Variants in XRCC4 observed in about 807,000 individuals in gnomAD.
XRCC4 encodes DNA repair protein XRCC4.
A neutral mutation model predicts 39.1 loss-of-function variants in XRCC4; 28 were observed. The ratio of observed to expected loss-of-function variants is 0.72; its 90% CI spans 0.53 to 0.98. The LOEUF is 0.98. Among genes scored for constraint, XRCC4 ranks in the 50% least tolerant of loss-of-function variants. The pLI is 0.00. For synonymous variants in XRCC4, 123 were observed against 126.4 expected (o/e 0.97, Z 0.18); for missense variants, 350 against 376.4 (o/e 0.93, Z 0.58).
At chr5:83,346,053 G>A (rs544358019) in intron 7 of XRCC4, among the ~76,000 whole-genome samples, 51 of 152,196 alleles carry the variant, frequency 3.4e-4, no homozygotes, top group Non-Finnish European at 6.5e-4. Context: ...TATACACCAC[G>A]TTTTAGTGAG....
At chr5:83,323,527 A>G (rs1389671104) in intron 7 of XRCC4, among the ~76,000 whole-genome samples, 6 of 152,088 alleles carry the variant, frequency 3.9e-5, no homozygotes, top group East Asian at 3.9e-4. Context: ...ATAATTACCA[A>G]TTCCTCAAAT....
intron 7 of XRCC4, among the ~76,000 whole-genome samples, chr5:83,288,333 C>T (rs983476331): frequency 1.2e-4 from 18 of 151,804 alleles, no homozygotes; most frequent in Non-Finnish European, 1.9e-4. Flanking sequence ...TTTTTGCCTA[C>T]GTGACCATAT....
At chr5:83,257,630 G>T (rs1561436876) in intron 6 of XRCC4, among the ~76,000 whole-genome samples, 1 of 152,162 alleles carries the variant, frequency 6.6e-6, no homozygotes. Context: ...ACAGTGTGGT[G>T]ATTCCTCAAG....
chr5:83,202,622 T>A (rs1305013484), intron 4 of XRCC4, among the ~76,000 whole-genome samples: 2 of 152,018 alleles, frequency 1.3e-5, no homozygotes, highest in Admixed American at 1.3e-4. Flanking sequence ...GGTATATATG[T>A]GTGTGTGTGT....
At chr5:83,158,051 T>G (rs1055992717) in intron 3 of XRCC4, among the ~76,000 whole-genome samples, 2 of 152,124 alleles carry the variant, frequency 1.3e-5, no homozygotes, top group African/African-American at 4.8e-5. Context: ...AAGTGTTTGT[T>G]CATTGTTATG....
chr5:83,305,554 A>T (rs908417080), intron 7 of XRCC4, among the ~76,000 whole-genome samples: 3 of 152,090 alleles, frequency 2.0e-5, no homozygotes, highest in African/African-American at 7.2e-5. Context: ...TTCTGTTCTG[A>T]GGAATACCCT....
At chr5:83,105,577 GAAAT>G (rs1746159424) in intron 2 of XRCC4, among the ~76,000 whole-genome samples, 1 of 152,044 alleles carries the variant, frequency 6.6e-6, no homozygotes. Context: ...GTGATTTTAG[GAAAT>G]AGATTTTTTT....
chr5:83,253,564 A>AG (rs975601795), intron 6 of XRCC4, among the ~76,000 whole-genome samples: 2 of 151,982 alleles, frequency 1.3e-5, no homozygotes, highest in African/African-American at 4.8e-5. Flanking sequence ...TGGCGGGGCA[A>AG]GGGGAAGAGA....
At chr5:83,101,674 A>G (rs1745944027) in intron 1 of XRCC4, among the ~76,000 whole-genome samples, 1 of 152,080 alleles carries the variant, frequency 6.6e-6, no homozygotes, top group African/African-American at 2.4e-5. Context: ...GGTGTTTCTA[A>G]TGGCAGACTA....
chr5:83,307,862 A>G (rs1308388380), intron 7 of XRCC4, among the ~76,000 whole-genome samples: 2 of 152,220 alleles, frequency 1.3e-5, no homozygotes, highest in Non-Finnish European at 2.9e-5. Flanking sequence ...CTAGAACCAT[A>G]TGGAATTCCA....
At chr5:83,172,243 C>T (rs138227894) in intron 3 of XRCC4, among the ~76,000 whole-genome samples, 152 of 152,270 alleles carry the variant, frequency 1.0e-3, no homozygotes, top group African/African-American at 3.4e-3. Context: ...CCAGTTGGCT[C>T]TGGATCCTTC....
intron 3 of XRCC4, among the ~76,000 whole-genome samples, chr5:83,153,054 A>G (rs1340943078): frequency 2.0e-5 from 3 of 152,172 alleles, no homozygotes; most frequent in Admixed American, 6.5e-5. Context: ...CCTGGCAACC[A>G]CTAATCCATT....
intron 6 of XRCC4, among the ~76,000 whole-genome samples, chr5:83,250,950 C>A (rs1033351415): frequency 3.3e-5 from 5 of 152,106 alleles, no homozygotes; most frequent in African/African-American, 1.2e-4. Flanking sequence ...AAATTAGTTC[C>A]TTTTTAATTG....
intron 4 of XRCC4, chr5:83,201,424 C>T (rs1283399010): frequency 6.6e-6 from 1 of 152,294 alleles, no homozygotes; most frequent in Non-Finnish European, 1.5e-5. Context: ...GGTTTCACAC[C>T]AAGTACAAGC....
intron 7 of XRCC4, among the ~76,000 whole-genome samples, chr5:83,338,840 T>C (rs1756669537): frequency 6.6e-6 from 1 of 152,214 alleles, no homozygotes; most frequent in Non-Finnish European, 1.5e-5. Flanking sequence ...GTCAACGGCT[T>C]TCTGTATGGA....
At chr5:83,366,573 T>C in the XRCC4 span, among the ~76,000 whole-genome samples, 1 of 151,958 alleles carries the variant, frequency 6.6e-6, no homozygotes, top group Non-Finnish European at 1.5e-5. Context: ...AGCTTTTCCA[T>C]GCCTTCTTGG....
At chr5:83,183,499 TC>T (rs1750299708) in intron 3 of XRCC4, among the ~76,000 whole-genome samples, 1 of 151,540 alleles carries the variant, frequency 6.6e-6, no homozygotes, top group South Asian at 2.1e-4. Context: ...GCTCTAGCAC[TC>T]AATATGTGGA....
intron 3 of XRCC4, among the ~76,000 whole-genome samples, chr5:83,164,744 ATGG>A (rs1749380358): frequency 6.6e-6 from 1 of 152,144 alleles, no homozygotes; most frequent in Non-Finnish European, 1.5e-5. Context: ...GAAAATAAAA[ATGG>A]TAAGTTAACC....
intron 7 of XRCC4, among the ~76,000 whole-genome samples, chr5:83,322,508 C>T (rs1456711312): frequency 6.6e-6 from 1 of 152,164 alleles, no homozygotes; most frequent in Non-Finnish European, 1.5e-5. Context: ...CCCCCAACCG[C>T]CGCATGCGCA....
Sources: allele counts gnomAD v4.1 joint callset (sites outside exome capture counted in the v4.1 genomes callset), GRCh38; gene constraint gnomAD v4.1.1; transcripts MANE v1.5; gene names NCBI Gene and HGNC (gene_info 2026-07-23, HGNC 2026-07-21).